RAB38: variants seen among roughly 807,000 people sequenced by gnomAD.
The protein encoded by RAB38 is ras-related protein Rab-38.
Under a neutral mutation model 18.4 loss-of-function variants are expected in RAB38, and 15 were observed. That is an observed-to-expected ratio of 0.82 (90% confidence interval 0.55 to 1.26). RAB38 has a LOEUF of 1.26. Among genes scored for constraint, RAB38 ranks in the 50% most tolerant of loss-of-function variants. RAB38 has a pLI of 0.00. For missense variants in RAB38, 294 were observed against 267.4 expected, an observed-to-expected ratio of 1.10 and a Z score of -0.69; for synonymous variants, 101 against 104.4, an observed-to-expected ratio of 0.97 and a Z score of 0.20.
intron 1 of RAB38, among the ~76,000 whole-genome samples, chr11:88,164,719 C>T (rs1943228361): frequency 6.6e-6 from 1 of 151,804 alleles, no homozygotes; most frequent in Admixed American, 6.6e-5. Context: ...TGCTTTTGGC[C>T]TAGAGGCACA....
At chr11:88,136,594 T>C (rs928146352) in intron 2 of RAB38, among the ~76,000 whole-genome samples, 1 of 152,140 alleles carries the variant, frequency 6.6e-6, no homozygotes, top group African/African-American at 2.4e-5. Flanking sequence ...TTTTTAAAAG[T>C]AGAAAGCTGG....
chr11:87,816,786 G>C, the RAB38 span, among the ~76,000 whole-genome samples: 1 of 151,988 alleles, frequency 6.6e-6, no homozygotes, highest in African/African-American at 2.4e-5. Context: ...AAAATATGCT[G>C]TATTTTAAAT....
the RAB38 span, among the ~76,000 whole-genome samples, chr11:88,094,730 A>C: frequency 6.6e-6 from 1 of 151,966 alleles, no homozygotes; most frequent in South Asian, 2.1e-4. Flanking sequence ...GACTGGCAAC[A>C]AAAGGCAGAA....
the RAB38 span, among the ~76,000 whole-genome samples, chr11:87,892,145 C>T: frequency 1.3e-5 from 2 of 151,738 alleles, no homozygotes; most frequent in South Asian, 4.2e-4. Context: ...TCTGACAGCC[C>T]TATTAGCCCA....
At chr11:87,960,513 T>C in the RAB38 span, among the ~76,000 whole-genome samples, 14 of 152,130 alleles carry the variant, frequency 9.2e-5, no homozygotes, top group Non-Finnish European at 2.1e-4. Flanking sequence ...CCAGCAATTA[T>C]TGTGTGTCAT....
chr11:87,976,597 C>T, the RAB38 span, among the ~76,000 whole-genome samples: 1 of 44,634 alleles, frequency 2.2e-5, no homozygotes, highest in Non-Finnish European at 4.5e-5. Context: ...TATATACTGT[C>T]TATAAATACA....
At chr11:88,038,958 G>GA in the RAB38 span, among the ~76,000 whole-genome samples, 40 of 152,086 alleles carry the variant, frequency 2.6e-4, 1 homozygote, top group Admixed American at 2.6e-3. Flanking sequence ...TTGTTAAGAT[G>GA]AAAAAAGAAG....
chr11:88,092,413 A>G, the RAB38 span, among the ~76,000 whole-genome samples: 2,109 of 91,316 alleles, frequency 0.023, 592 homozygotes, highest in Admixed American at 0.047. Flanking sequence ...AGAGAGAGAG[A>G]GAGAGAGAGA....
At chr11:87,879,006 T>A in the RAB38 span, among the ~76,000 whole-genome samples, 2 of 143,294 alleles carry the variant, frequency 1.4e-5, no homozygotes, top group Non-Finnish European at 3.1e-5. Flanking sequence ...GTGGAAAATA[T>A]GTATTGCCTA....
the RAB38 span, among the ~76,000 whole-genome samples, chr11:87,896,124 G>A: frequency 1.3e-5 from 2 of 151,728 alleles, no homozygotes; most frequent in Admixed American, 6.6e-5. Flanking sequence ...CTACTCATTA[G>A]TAACGTAAAA....
chr11:87,929,157 A>G, the RAB38 span, among the ~76,000 whole-genome samples: 1 of 151,924 alleles, frequency 6.6e-6, no homozygotes, highest in Non-Finnish European at 1.5e-5. Flanking sequence ...ATCCCTATTC[A>G]TTCAAGTCTA....
the RAB38 span, among the ~76,000 whole-genome samples, chr11:88,012,307 AGT>A: frequency 6.6e-6 from 1 of 152,156 alleles, no homozygotes; most frequent in Non-Finnish European, 1.5e-5. Flanking sequence ...CACTGGAGGA[AGT>A]AACTTTCAGC....
At chr11:87,928,383 AG>A in the RAB38 span, among the ~76,000 whole-genome samples, 10 of 152,188 alleles carry the variant, frequency 6.6e-5, no homozygotes, top group East Asian at 1.9e-3. Flanking sequence ...AAAAATGGAA[AG>A]TTCTTTTAAT....
chr11:88,159,101 T>A (rs77322852), intron 1 of RAB38, among the ~76,000 whole-genome samples: 6 of 151,666 alleles, frequency 4.0e-5, no homozygotes, highest in African/African-American at 1.2e-4. Flanking sequence ...AATTTTGGGA[T>A]GCAAAAATCA....
the RAB38 span, among the ~76,000 whole-genome samples, chr11:87,973,174 G>A: frequency 2.6e-4 from 39 of 151,636 alleles, no homozygotes; most frequent in South Asian, 2.1e-4. Context: ...TAATACACAA[G>A]GAAAGAAAGA....
chr11:88,029,196 A>T, the RAB38 span, among the ~76,000 whole-genome samples: 1 of 152,118 alleles, frequency 6.6e-6, no homozygotes, highest in Non-Finnish European at 1.5e-5. Context: ...TTTTGTCACC[A>T]CCAGGCCTGC....
the RAB38 span, among the ~76,000 whole-genome samples, chr11:87,953,484 G>A: frequency 3.3e-5 from 5 of 152,146 alleles, no homozygotes; most frequent in Admixed American, 1.3e-4. Flanking sequence ...GAAAATAGGT[G>A]AGTACACCAC....
At chr11:87,957,308 AC>A in the RAB38 span, among the ~76,000 whole-genome samples, 1 of 148,682 alleles carries the variant, frequency 6.7e-6, no homozygotes, top group Non-Finnish European at 1.5e-5. Context: ...CTCTCCCCTC[AC>A]CCCCCATAGG....
the RAB38 span, among the ~76,000 whole-genome samples, chr11:88,061,055 C>T: frequency 6.6e-6 from 1 of 152,134 alleles, no homozygotes; most frequent in Non-Finnish European, 1.5e-5. Flanking sequence ...TGTCCCTTTG[C>T]TAATCTGAAC....
Sources: gnomAD v4.1 joint callset for allele counts (sites outside exome capture counted in the v4.1 genomes callset) on GRCh38, gnomAD v4.1.1 for gene constraint, MANE v1.5 for transcripts, NCBI Gene and HGNC (gene_info 2026-07-23, HGNC 2026-07-21) for gene names.